ADAMTSL1: variants seen among roughly 807,000 people sequenced by gnomAD.
The protein encoded by ADAMTSL1 is ADAMTS like 1.
ADAMTSL1 carries 126 observed loss-of-function variants against 201.8 expected under a neutral mutation model. That is an observed-to-expected ratio of 0.62 (90% confidence interval 0.54 to 0.72). The LOEUF (loss-of-function observed/expected upper bound fraction) is 0.72. Among genes scored for constraint, ADAMTSL1 ranks in the 30% least tolerant of loss-of-function variants. The probability of loss-of-function intolerance (pLI) is 0.00; values close to 1 mark genes in which losing one functional copy is unlikely to be tolerated. For missense variants in ADAMTSL1, 2,679 were observed against 2,277.8 expected (o/e 1.18, Z -3.59); for synonymous variants, 1,121 against 903.4 (o/e 1.24, Z -4.32).
At chr9:18,177,976 C>T (rs1056665109) in intron 2 of ADAMTSL1, among the ~76,000 whole-genome samples, 4 of 152,196 alleles carry the variant, frequency 2.6e-5, no homozygotes, top group Admixed American at 6.5e-5. Context: ...AAATTTTTGG[C>T]GGGTGATGAA....
intron 1 of ADAMTSL1, among the ~76,000 whole-genome samples, chr9:17,982,912 C>A (rs1419628427): frequency 6.6e-6 from 1 of 151,792 alleles, no homozygotes; most frequent in South Asian, 2.1e-4. Flanking sequence ...GGTTCTCAAT[C>A]CTGGCTGCAT....
intron 2 of ADAMTSL1, among the ~76,000 whole-genome samples, chr9:18,529,152 CA>C (rs1225551470): frequency 1.3e-5 from 2 of 152,108 alleles, no homozygotes; most frequent in Non-Finnish European, 2.9e-5. Context: ...TTTTAACTTT[CA>C]AAAATATAAG....
intron 1 of ADAMTSL1, among the ~76,000 whole-genome samples, chr9:18,017,861 G>A (rs1199983623): frequency 6.6e-6 from 1 of 152,020 alleles, no homozygotes; most frequent in African/African-American, 2.4e-5. Flanking sequence ...TTCCTGGCAT[G>A]TGAAGTAATC....
chr9:17,985,747 A>T (rs1056444579), intron 1 of ADAMTSL1, among the ~76,000 whole-genome samples: 1 of 152,138 alleles, frequency 6.6e-6, no homozygotes, highest in African/African-American at 2.4e-5. Context: ...CTTTCATTTT[A>T]TAAATGAGCA....
intron 1 of ADAMTSL1, among the ~76,000 whole-genome samples, chr9:17,976,611 T>G (rs1450984274): frequency 6.6e-6 from 1 of 151,962 alleles, no homozygotes; most frequent in Non-Finnish European, 1.5e-5. Flanking sequence ...CTGAGTTCTT[T>G]GATCAGTCCT....
At chr9:18,105,034 A>T (rs1227032121) in intron 1 of ADAMTSL1, among the ~76,000 whole-genome samples, 1 of 152,212 alleles carries the variant, frequency 6.6e-6, no homozygotes. Flanking sequence ...AATAAAAAAA[A>T]AATAGCCTCT....
At chr9:18,448,898 G>A in intron 2 of ADAMTSL1, among the ~76,000 whole-genome samples, 1 of 152,016 alleles carries the variant, frequency 6.6e-6, no homozygotes, top group East Asian at 1.9e-4. Context: ...AAATTTATGT[G>A]AGTGATATAT....
intron 2 of ADAMTSL1, among the ~76,000 whole-genome samples, chr9:18,377,966 T>A (rs541719095): frequency 1.3e-5 from 2 of 152,252 alleles, no homozygotes; most frequent in East Asian, 3.9e-4. Context: ...AAGTGGGCAA[T>A]GTGTTTCTCA....
intron 1 of ADAMTSL1, among the ~76,000 whole-genome samples, chr9:18,031,861 A>G (rs1220282919): frequency 6.6e-6 from 1 of 152,128 alleles, no homozygotes; most frequent in Non-Finnish European, 1.5e-5. Flanking sequence ...GCTGTGGGAT[A>G]TGTCTGTGAG....
chr9:17,988,422 C>T (rs981579531), intron 1 of ADAMTSL1, among the ~76,000 whole-genome samples: 1 of 151,936 alleles, frequency 6.6e-6, no homozygotes, highest in Non-Finnish European at 1.5e-5. Context: ...GAGCAGATGG[C>T]CCCTCAGTGA....
intron 25 of ADAMTSL1, among the ~76,000 whole-genome samples, chr9:18,890,321 G>A (rs1460365123): frequency 2.6e-5 from 4 of 152,188 alleles, no homozygotes; most frequent in Non-Finnish European, 4.4e-5. Context: ...GTGGCCCAGA[G>A]TGACACCTAA....
intron 2 of ADAMTSL1, among the ~76,000 whole-genome samples, chr9:18,339,826 T>C (rs770680173): frequency 6.6e-6 from 1 of 152,140 alleles, no homozygotes; most frequent in Admixed American, 6.5e-5. Flanking sequence ...GATTGTCTCA[T>C]TGTTTAAAGA....
intron 20 of ADAMTSL1, among the ~76,000 whole-genome samples, chr9:18,803,157 A>G (rs1198446505): frequency 6.6e-6 from 1 of 152,222 alleles, no homozygotes; most frequent in East Asian, 1.9e-4. Flanking sequence ...TCTCATCAAG[A>G]TGTCAACAGG....
intron 22 of ADAMTSL1, among the ~76,000 whole-genome samples, chr9:18,826,798 C>T (rs184839086): frequency 3.5e-4 from 54 of 152,316 alleles, no homozygotes; most frequent in Admixed American, 3.2e-3. Context: ...CTAATTAAAA[C>T]AATTGTCCTT....
intron 2 of ADAMTSL1, among the ~76,000 whole-genome samples, chr9:18,522,143 A>G (rs1818735268): frequency 6.6e-6 from 1 of 152,102 alleles, no homozygotes; most frequent in Non-Finnish European, 1.5e-5. Context: ...GGACTACTAG[A>G]GGGAGGAGGA....
At chr9:18,312,785 A>G (rs1834206374) in intron 2 of ADAMTSL1, among the ~76,000 whole-genome samples, 1 of 152,196 alleles carries the variant, frequency 6.6e-6, no homozygotes, top group Non-Finnish European at 1.5e-5. Flanking sequence ...ACTCTCTGCA[A>G]AGATGATTGA....
In ADAMTSL1 at chr9:18,078,653, C is replaced by T. The variant is rs1823335297; in HGVS notation, c.88-85209C>T. Among the ~76,000 whole-genome samples, 3 of 150,972 alleles carry T rather than the reference C, an allele frequency of 2.0e-5. No homozygotes were observed. In the South Asian group the frequency reaches 6.2e-4, roughly 31 times the overall value. On this transcript the variant is annotated intron_variant, in intron 1 of 29. Transcript: ENST00000680146. The stretch of plus-strand genomic sequence containing the variant: ...GAGTATTTTTGTGGTTTTTTCTAGA[C>T]TTCTCTTCTAAGCCCCTCCAATCGT...
intron 2 of ADAMTSL1, among the ~76,000 whole-genome samples, chr9:18,206,612 A>T (rs1829658334): frequency 6.6e-6 from 1 of 152,168 alleles, no homozygotes; most frequent in African/African-American, 2.4e-5. Context: ...TCATGTCAAA[A>T]TTATGTTACC....
In ADAMTSL1 at chr9:18,861,896, G is replaced by A. The variant is rs55658662; in HGVS notation, c.4250-25935G>A. ...TCAGCTCACCACTCAACTCTCCCCC[G>A]TCTTTACTTCCCTCACATTGTTTGT... On this transcript the variant is annotated intron_variant, in intron 23 of 28. Transcript: ENST00000380548. Among the ~76,000 whole-genome samples, 516 of 152,154 alleles carry A rather than the reference G, an allele frequency of 3.4e-3. 6 individuals are homozygous for A. In the East Asian group the frequency reaches 0.055, roughly 16 times the overall value.
Sources: gnomAD v4.1 joint callset for allele counts (sites outside exome capture counted in the v4.1 genomes callset) on GRCh38, gnomAD v4.1.1 for gene constraint, MANE v1.5 for transcripts, NCBI Gene and HGNC (gene_info 2026-07-23, HGNC 2026-07-21) for gene names.